DNAAF4: variants seen among roughly 807,000 people sequenced by gnomAD.
DNAAF4 encodes dynein axonemal assembly factor 4.
A neutral mutation model predicts 51.8 loss-of-function variants in DNAAF4; 43 were observed. The ratio of observed to expected loss-of-function variants is 0.83; its 90% CI spans 0.65 to 1.07. The LOEUF (loss-of-function observed/expected upper bound fraction) is 1.07, where lower values mean the gene tolerates loss of function less well. DNAAF4 is among the 50% of genes least tolerant of loss of function. The pLI, the probability that DNAAF4 is intolerant of heterozygous loss-of-function variation, is 0.00. For synonymous variants in DNAAF4, 194 were observed against 165.6 expected (o/e 1.17, Z -1.32); for missense variants, 581 against 493.0 (o/e 1.18, Z -1.69).
At chr15:55,462,269 T>C (rs1020227007) in intron 5 of DNAAF4, among the ~76,000 whole-genome samples, 2 of 151,718 alleles carry the variant, frequency 1.3e-5, no homozygotes, top group Admixed American at 6.6e-5. Flanking sequence ...TCTCGGCTCA[T>C]TGCAACCTCC....
At position 55,430,601 on chromosome 15, in the gene DNAAF4, A is replaced by G. The variant is rs1456942056; in HGVS notation, c.*69T>C. On this transcript the variant is annotated 3_prime_UTR_variant, in exon 10 of 10. Transcript: ENST00000321149. Reference sequence around the variant, plus strand: ...AAGCGATTCTGTACAACTGGCCATAATATGTACAAAGATGCCTCCAGTTGT... The same window carrying G: ...AAGCGATTCTGTACAACTGGCCATAGTATGTACAAAGATGCCTCCAGTTGT... 1.9e-6 allele frequency: 3 copies of G among 1,548,320 alleles called. No individual in the cohort carries two copies. Among genetic ancestry groups the G allele is most frequent in the South Asian group, 1.2e-5 (1 of 82,594 alleles).
chr15:55,474,058 A>G (rs1221585873), intron 4 of DNAAF4, among the ~76,000 whole-genome samples: 1 of 152,186 alleles, frequency 6.6e-6, no homozygotes, highest in Admixed American at 6.6e-5. Context: ...TAAGGCAAGT[A>G]TACCTAATGT....
At chr15:55,429,010 T>C (rs568170238), downstream of DNAAF4, among the ~76,000 whole-genome samples, 6 of 151,168 alleles carry the variant, frequency 4.0e-5, no homozygotes, top group South Asian at 1.3e-3. Flanking sequence ...CCACTTGAGG[T>C]CAGGAGTTCG....
chr15:55,461,764 C>A (rs936157631), intron 5 of DNAAF4, among the ~76,000 whole-genome samples: 2 of 151,846 alleles, frequency 1.3e-5, no homozygotes, highest in Non-Finnish European at 2.9e-5. Flanking sequence ...CCAAACCCAG[C>A]ACAAGAAAAG....
intron 6 of DNAAF4, among the ~76,000 whole-genome samples, chr15:55,440,041 T>C (rs2057682814): frequency 6.6e-6 from 1 of 152,120 alleles, no homozygotes; most frequent in Admixed American, 6.6e-5. Flanking sequence ...CCAGAGCAGA[T>C]TAACGTACTA....
At chr15:55,497,926 C>A in intron 2 of DNAAF4, 67 bp from the exon 3 acceptor site, 1 of 1,537,442 alleles carries the variant, frequency 6.5e-7, no homozygotes, top group South Asian at 1.3e-5. Flanking sequence ...TTAAGAAACA[C>A]GTGAAAAAGG....
chr15:55,477,650 G>A (rs747178119), intron 4 of DNAAF4, among the ~76,000 whole-genome samples: 23 of 76,416 alleles, frequency 3.0e-4, no homozygotes, highest in East Asian at 9.4e-4. Context: ...GTATGTATGC[G>A]TGTGTGTGTG....
intron 5 of DNAAF4, among the ~76,000 whole-genome samples, chr15:55,465,446 C>T (rs2058156921): frequency 6.6e-6 from 1 of 150,518 alleles, no homozygotes; most frequent in African/African-American, 2.5e-5. Context: ...TCATGGAATG[C>T]TACTCAGCCA....
At chr15:55,451,051 C>T (rs760548533) in intron 5 of DNAAF4, among the ~76,000 whole-genome samples, 20 of 152,146 alleles carry the variant, frequency 1.3e-4, no homozygotes, top group Non-Finnish European at 2.2e-4. Context: ...TAGCCGAGAT[C>T]GTGCCATACA....
intron 1 of DNAAF4, among the ~76,000 whole-genome samples, chr15:55,503,885 C>T (rs893384457): frequency 1.3e-5 from 2 of 152,162 alleles, no homozygotes; most frequent in African/African-American, 4.8e-5. Flanking sequence ...TGCCCTCTCT[C>T]ACCACTCCAA....
chr15:55,504,900 C>A (rs973592076), intron 1 of DNAAF4, among the ~76,000 whole-genome samples: 4 of 152,146 alleles, frequency 2.6e-5, no homozygotes, highest in African/African-American at 9.7e-5. Flanking sequence ...GCAATGGCAA[C>A]AAAAGCCAAA....
At position 55,430,676 on chromosome 15, in the gene DNAAF4, T is replaced by C. The variant is rs1441776092; in HGVS notation, c.1257A>G (p.Lys419=). Residue 419 remains lysine (K), a synonymous_variant, in exon 10 of 10, where the codon AAA becomes AAG. Coordinates refer to ENST00000321149, the MANE Select transcript of DNAAF4 (RefSeq NM_130810.4). ...TAGTTACTTCTAATAGTCATTAAGA[T>C]TTTAGTTCTGTTCCTTGAATTACAT... ...IRNVIQGTEL[K]S 1 of 1,611,908 alleles carries C rather than the reference T, an allele frequency of 6.2e-7. No individual in the cohort carries two copies. The highest frequency in any genetic ancestry group is 1.1e-5 in the South Asian group (1 of 90,760).
At chr15:55,477,945 A>C (rs9920804) in intron 4 of DNAAF4, among the ~76,000 whole-genome samples, 2,325 of 152,072 alleles carry the variant, frequency 0.015, 62 homozygotes, top group African/African-American at 0.053. Context: ...GCATCATGGC[A>C]GGTGCCTGTA....
chr15:55,486,174 TTTGG>T (rs200440728), intron 4 of DNAAF4, among the ~76,000 whole-genome samples: 43 of 150,380 alleles, frequency 2.9e-4, no homozygotes, highest in Middle Eastern at 3.4e-3. Context: ...TTTCTGTTTG[TTTGG>T]TTGGTTGGTT....
At chr15:55,439,908 G>A (rs896615295) in intron 6 of DNAAF4, among the ~76,000 whole-genome samples, 8 of 152,108 alleles carry the variant, frequency 5.3e-5, no homozygotes, top group African/African-American at 1.9e-4. Flanking sequence ...CGCAAGTTAT[G>A]ATGAGCACCC....
chr15:55,419,466 G>C (rs1464091900), intron 7 of DNAAF4, among the ~76,000 whole-genome samples: 3 of 150,896 alleles, frequency 2.0e-5, no homozygotes, highest in Non-Finnish European at 4.4e-5. Flanking sequence ...TCAAACTCCT[G>C]TCCTCAAGCA....
At chr15:55,493,232 C>T (rs769850458) in intron 3 of DNAAF4, among the ~76,000 whole-genome samples, 4 of 152,128 alleles carry the variant, frequency 2.6e-5, no homozygotes, top group Admixed American at 6.6e-5. Flanking sequence ...AAATAAAGTT[C>T]TGTTGTTTAT....
intron 6 of DNAAF4, among the ~76,000 whole-genome samples, chr15:55,444,952 A>G (rs1489197684): frequency 6.6e-6 from 1 of 151,676 alleles, no homozygotes; most frequent in African/African-American, 2.4e-5. Context: ...TTGGGCTGAG[A>G]CGATGGGGTT....
intron 4 of DNAAF4, among the ~76,000 whole-genome samples, chr15:55,486,443 C>G (rs2058490888): frequency 6.6e-6 from 1 of 152,056 alleles, no homozygotes. Flanking sequence ...ATCCACCTGC[C>G]TCGGCCTTCC....
Sources: gnomAD v4.1 joint callset for allele counts (sites outside exome capture counted in the v4.1 genomes callset) on GRCh38, gnomAD v4.1.1 for gene constraint, MANE v1.5 for transcripts, NCBI Gene and HGNC (gene_info 2026-07-23, HGNC 2026-07-21) for gene names.